The following KDM5A variants were observed in gnomAD, a reference collection of about 807,000 sequenced individuals.
The protein encoded by KDM5A is lysine-specific demethylase 5A.
In KDM5A, 42 loss-of-function variants were observed where a neutral mutation model predicts 193.5. The ratio of observed to expected loss-of-function variants is 0.22; its 90% CI spans 0.17 to 0.28. The LOEUF (loss-of-function observed/expected upper bound fraction) is 0.28, where lower values mean the gene tolerates loss of function less well. KDM5A is among the 10% of genes least tolerant of loss of function. KDM5A has a pLI of 1.00. For synonymous variants in KDM5A, 796 were observed against 718.1 expected, an observed-to-expected ratio of 1.11 and a Z score of -1.73; for missense variants, 1,692 against 2,055.1, an observed-to-expected ratio of 0.82 and a Z score of 3.42.
chr12:331,445 C>A (rs1445876472), intron 13 of KDM5A, among the ~76,000 whole-genome samples: 1 of 152,102 alleles, frequency 6.6e-6, no homozygotes, highest in Non-Finnish European at 1.5e-5. Flanking sequence ...TTCAAACAGT[C>A]TCTCTCTTCT....
chr12:383,604 G>C (rs1200090464), intron 3 of KDM5A, among the ~76,000 whole-genome samples: 1 of 152,058 alleles, frequency 6.6e-6, no homozygotes, highest in Admixed American at 6.5e-5. Context: ...TAGCAGGCTA[G>C]AGTAATTTAT....
intron 3 of KDM5A, among the ~76,000 whole-genome samples, chr12:377,554 G>A (rs1565552411): frequency 1.3e-5 from 2 of 151,904 alleles, no homozygotes; most frequent in Non-Finnish European, 2.9e-5. Flanking sequence ...CAAGACAATG[G>A]AGTAAAGCTT....
At chr12:384,802 ATG>A (rs1166295946) in intron 2 of KDM5A, among the ~76,000 whole-genome samples, 1 of 152,228 alleles carries the variant, frequency 6.6e-6, no homozygotes, top group African/African-American at 2.4e-5. Context: ...TTTCATCCAT[ATG>A]TAACATGCAC....
At chr12:303,935 G>T (rs991787835) in intron 24 of KDM5A, among the ~76,000 whole-genome samples, 16 of 152,186 alleles carry the variant, frequency 1.1e-4, no homozygotes, top group Admixed American at 9.2e-4. Flanking sequence ...ATAGTAGCAG[G>T]TCTTTGAATA....
At chr12:289,140 G>A (rs554224882) in intron 27 of KDM5A, among the ~76,000 whole-genome samples, 6 of 151,978 alleles carry the variant, frequency 3.9e-5, no homozygotes, top group South Asian at 4.1e-4. Flanking sequence ...GTAGGAATGG[G>A]TAAAGGAAAA....
At chr12:330,416 G>T (rs183162246) in intron 13 of KDM5A, among the ~76,000 whole-genome samples, 8 of 152,024 alleles carry the variant, frequency 5.3e-5, no homozygotes, top group Admixed American at 3.9e-4. Flanking sequence ...ACTTGTCTGA[G>T]GTTATTAAGT....
Position 318,468 on chromosome 12 carries a change from A to G in KDM5A, c.2542-7T>C. The G allele has an allele frequency of 1.3e-6, 2 of 1,599,126 alleles. No homozygotes were observed. The highest frequency in any genetic ancestry group is 1.7e-6 in the Non-Finnish European group (2 of 1,166,340). On this transcript the variant is annotated splice_polypyrimidine_tract_variant and splice_region_variant and intron_variant, in intron 18 of 27. Transcript: ENST00000399788. ...CCACATCATCTAGCAGATTCTGAAA[A>G]GGTCAAAAGAAATAAAAATCAGAAA...
intron 13 of KDM5A, among the ~76,000 whole-genome samples, chr12:330,073 G>GTA (rs1393039421): frequency 7.8e-6 from 1 of 127,536 alleles, no homozygotes; most frequent in African/African-American, 3.6e-5. Flanking sequence ...GTGTGTGTGT[G>GTA]TGTGTGTGTG....
chr12:297,141 C>T lies in KDM5A; in HGVS notation c.4134G>A (p.Glu1378=), dbSNP rs753769970. The change falls in exon 25 of 28, where the codon GAG becomes GAA. Residue 1378 remains glutamate (E), a synonymous_variant. Coordinates refer to ENST00000399788, the MANE Select transcript of KDM5A (RefSeq NM_001042603.3). ...CCACCTCCTCGGATTTGATGGGAAT[C>T]TCTTCATCACAAAAAAGATTGGGTT... ...SLEPNLFCDE[E]IPIKSEEVVT... The T allele has an allele frequency of 6.2e-7, 1 of 1,614,048 alleles. No homozygotes were observed. The highest frequency in any genetic ancestry group is 1.1e-5 in the South Asian group (1 of 91,076).
rs754467075 is a variant in KDM5A at position 322,499 on chromosome 12, G to A, written c.2344C>T (p.Arg782Ter). The A allele has an allele frequency of 1.2e-6, 2 of 1,613,332 alleles. No individual in the cohort carries two copies. Among genetic ancestry groups the A allele is most frequent in the Non-Finnish European group, 1.7e-6 (2 of 1,179,580 alleles). Residue 782 changes from arginine to a stop codon, truncating the protein, a stop_gained, in exon 17 of 28, where the codon CGA (arginine) becomes TGA (stop). Transcript: ENST00000399788. LOFTEE classifies it high-confidence loss of function. ...DRKYPENDLFRKLRDAVKEAE... is the reference protein window; with the variant it reads ...DRKYPENDLF ...TCTTTTACAGCATCCCTGAGTTTTC[G>A]AAAGAGATCATTCTCTGGGTATTTC... is the stretch of plus-strand genomic sequence containing the variant.
intron 14 of KDM5A, among the ~76,000 whole-genome samples, chr12:324,275 C>A (rs1943757148): frequency 1.3e-5 from 2 of 151,920 alleles, no homozygotes; most frequent in South Asian, 4.2e-4. Context: ...CCAACCCCAG[C>A]CGACATAGCA....
At chr12:358,141 G>A (rs1394317821) in intron 5 of KDM5A, among the ~76,000 whole-genome samples, 1 of 152,116 alleles carries the variant, frequency 6.6e-6, no homozygotes, top group African/African-American at 2.4e-5. Flanking sequence ...GAAAGTGAGA[G>A]CATCCTGACA....
intron 3 of KDM5A, among the ~76,000 whole-genome samples, chr12:368,359 T>C (rs1944382899): frequency 6.6e-6 from 1 of 152,134 alleles, no homozygotes; most frequent in Non-Finnish European, 1.5e-5. Flanking sequence ...ATGCTACATA[T>C]ACAATTTTTT....
At chr12:323,233 A>AAAAAAAAT in intron 15 of KDM5A, 27 bp from the exon 16 acceptor site, 1 of 1,498,986 alleles carries the variant, frequency 6.7e-7, no homozygotes, top group Non-Finnish European at 8.9e-7. Flanking sequence ...AAAAAAAAAA[A>AAAAAAAAT]AAAAAAGAAA....
intron 7 of KDM5A, among the ~76,000 whole-genome samples, chr12:354,780 G>T (rs541471694): frequency 6.6e-6 from 1 of 150,846 alleles, no homozygotes; most frequent in East Asian, 1.9e-4. Context: ...AAAAAGGAAA[G>T]ACTACAAATC....
In KDM5A at chr12:292,751, G is replaced by C. The variant is rs759436318; in HGVS notation, c.4866+8C>G. 1 of 1,614,152 alleles carries C rather than the reference G, an allele frequency of 6.2e-7. No homozygotes were observed. Among genetic ancestry groups the C allele is most frequent in the South Asian group, 1.1e-5 (1 of 91,078 alleles). ...TCTCATGCTTGACTATAAACAGTTG[G>C]AACTCACCTTGTCCTTGCAGGGCCT... is the stretch of plus-strand genomic sequence containing the variant. On this transcript the variant is annotated splice_region_variant and intron_variant, in intron 27 of 27. Transcript: ENST00000399788.
chr12:345,043 A>T (rs1450630804), intron 10 of KDM5A, among the ~76,000 whole-genome samples: 1 of 152,212 alleles, frequency 6.6e-6, no homozygotes, highest in Non-Finnish European at 1.5e-5. Flanking sequence ...AAAGACGCAC[A>T]CAGGCTCAAA....
At chr12:293,316 G>A in intron 26 of KDM5A, 147 bp from the exon 27 acceptor site, 2 of 681,894 alleles carry the variant, frequency 2.9e-6, no homozygotes, top group Non-Finnish European at 4.7e-6. Context: ...AAGAAGAAAT[G>A]GAGATTTGTT....
rs570427524 is a variant in KDM5A at position 343,491 on chromosome 12, G to A, written c.1308+7130C>T. Among the ~76,000 whole-genome samples, 42 of 152,290 alleles carry A rather than the reference G, an allele frequency of 2.8e-4. No homozygotes were observed. In the South Asian group the frequency reaches 8.3e-3, roughly 30 times the overall value. Reference sequence around the variant, plus strand: ...CCTGACCCTCATGTAGCCTAACTGGGAGACACCCCTAGTAGGGGCCAACAG... The same window carrying A: ...CCTGACCCTCATGTAGCCTAACTGGAAGACACCCCTAGTAGGGGCCAACAG... On this transcript the variant is annotated intron_variant, in intron 10 of 27. Coordinates refer to ENST00000399788, the MANE Select transcript of KDM5A (RefSeq NM_001042603.3).
Sources: allele counts gnomAD v4.1 joint callset (sites outside exome capture counted in the v4.1 genomes callset), GRCh38; gene constraint gnomAD v4.1.1; transcripts MANE v1.5; gene names NCBI Gene and HGNC (gene_info 2026-07-23, HGNC 2026-07-21).